The following WDR7 variants were observed in gnomAD, a reference collection of about 807,000 sequenced individuals.
The protein encoded by WDR7 is WD repeat domain 7, also known as WD repeat-containing protein 7.
Under a neutral mutation model 169.4 loss-of-function variants are expected in WDR7, and 46 were observed. The observed-to-expected ratio is 0.27, with a 90% CI of 0.21 to 0.35. The LOEUF (loss-of-function observed/expected upper bound fraction) is 0.35, where lower values mean the gene tolerates loss of function less well. Ranked by LOEUF, WDR7 falls within the 10% of genes least tolerant of loss-of-function variation. The pLI is 1.00. For synonymous variants in WDR7, 612 were observed against 666.8 expected, an observed-to-expected ratio of 0.92 and a Z score of 1.27; for missense variants, 1,534 against 1,859.3, an observed-to-expected ratio of 0.83 and a Z score of 3.22.
intron 26 of WDR7, chr18:57,010,202 GA>G (rs535699381): frequency 7.1e-6 from 7 of 985,260 alleles, no homozygotes; most frequent in Non-Finnish European, 8.4e-6. Flanking sequence ...TAGAAATACT[GA>G]AAAAAACATT....
At chr18:56,679,265 C>A in intron 2 of WDR7, 67 bp from the exon 3 acceptor site, 1 of 1,315,672 alleles carries the variant, frequency 7.6e-7, no homozygotes, top group Non-Finnish European at 1.1e-6. Context: ...TATGGCTAAG[C>A]TGACACTCAA....
intron 2 of WDR7, among the ~76,000 whole-genome samples, chr18:56,675,084 C>T (rs1299263720): frequency 2.0e-5 from 3 of 152,038 alleles, no homozygotes; most frequent in Non-Finnish European, 4.4e-5. Flanking sequence ...TCCTAATTAC[C>T]GTTGTTTTAT....
chr18:56,687,790 C>A (rs1003006643), intron 7 of WDR7, among the ~76,000 whole-genome samples: 4 of 152,074 alleles, frequency 2.6e-5, no homozygotes, highest in Middle Eastern at 3.2e-3. Flanking sequence ...CCAAGCCTGG[C>A]TAATTTTAGA....
At chr18:56,867,485 G>A (rs1414274192) in intron 20 of WDR7, among the ~76,000 whole-genome samples, 2 of 152,140 alleles carry the variant, frequency 1.3e-5, no homozygotes, top group African/African-American at 4.8e-5. Context: ...AGATTAGAAA[G>A]CCGTCTCTTC....
intron 21 of WDR7, among the ~76,000 whole-genome samples, chr18:56,919,458 ATTGT>A (rs148970922): frequency 0.014 from 2,131 of 152,154 alleles, 30 homozygotes; most frequent in East Asian, 0.038. Flanking sequence ...ACAAAAACTC[ATTGT>A]TTGAGAAAAG....
chr18:56,745,950 T>C (rs1345619165), intron 14 of WDR7, among the ~76,000 whole-genome samples: 2 of 152,176 alleles, frequency 1.3e-5, no homozygotes, highest in Non-Finnish European at 2.9e-5. Context: ...ATGTTGAACT[T>C]TCCTAGGACA....
chr18:57,010,248 T>C, intron 26 of WDR7: 1 of 985,442 alleles, frequency 1.0e-6, no homozygotes, highest in Non-Finnish European at 1.2e-6. Context: ...AAGAAAACAT[T>C]TTGTGTGACT....
intron 21 of WDR7, among the ~76,000 whole-genome samples, chr18:56,888,340 CTAGTG>C (rs1274377072): frequency 3.9e-5 from 6 of 152,222 alleles, no homozygotes; most frequent in Non-Finnish European, 7.3e-5. Flanking sequence ...CTAGATTAGG[CTAGTG>C]TTACGTTGTG....
At chr18:56,698,624 T>A (rs953113341) in intron 12 of WDR7, among the ~76,000 whole-genome samples, 19 of 150,730 alleles carry the variant, frequency 1.3e-4, no homozygotes, top group Non-Finnish European at 2.2e-4. Context: ...AAAAAAAAAT[T>A]CAGATTGGTA....
At chr18:56,861,123 T>TCA (rs2045798337) in intron 20 of WDR7, among the ~76,000 whole-genome samples, 1 of 36,930 alleles carries the variant, frequency 2.7e-5, no homozygotes, top group South Asian at 1.2e-3. Flanking sequence ...AAAGTACAGT[T>TCA]TATATTCTTT....
rs1288358287 is a variant in WDR7, at chr18:57,029,314, A to G, written c.*2107A>G. ...TTCACGTATTCCGTCTGCACAGGCA[A>G]CCAAGGCCAGTAGAAAGCTATGGCT... is the stretch of plus-strand genomic sequence containing the variant. On this transcript the variant is annotated 3_prime_UTR_variant, in exon 28 of 28. Coordinates refer to ENST00000254442, the MANE Select transcript of WDR7 (RefSeq NM_015285.3). 1 of 152,230 alleles carries G rather than the reference A, an allele frequency of 6.6e-6. No individual in the cohort carries two copies. Among genetic ancestry groups the G allele is most frequent in the African/African-American group, 2.4e-5 (1 of 41,462 alleles). The allele number at this position is 152,230 out of a possible 1,614,324, so 9.4% of individuals were successfully genotyped here. A position where few individuals can be genotyped will look rare whatever the true frequency, so the allele number is the denominator to read the frequency against.
intron 21 of WDR7, among the ~76,000 whole-genome samples, chr18:56,920,164 G>T (rs968595693): frequency 6.6e-5 from 10 of 151,720 alleles, no homozygotes; most frequent in African/African-American, 2.2e-4. Flanking sequence ...TTATTTCCTG[G>T]TCTTTACACA....
At chr18:56,659,690 T>C (rs950796363) in intron 1 of WDR7, among the ~76,000 whole-genome samples, 6 of 152,146 alleles carry the variant, frequency 3.9e-5, no homozygotes, top group Non-Finnish European at 8.8e-5. Context: ...AGATTCTGTT[T>C]AGTATCTTTG....
intron 14 of WDR7, among the ~76,000 whole-genome samples, chr18:56,755,311 T>C (rs2144933015): frequency 6.6e-6 from 1 of 152,306 alleles, no homozygotes; most frequent in South Asian, 2.1e-4. Context: ...ATTTAGTTTT[T>C]AAGAATTTTG....
At chr18:56,802,343 CAAT>C (rs1187581848) in intron 19 of WDR7, among the ~76,000 whole-genome samples, 1 of 150,812 alleles carries the variant, frequency 6.6e-6, no homozygotes, top group Non-Finnish European at 1.5e-5. Flanking sequence ...GGTTGCCTAA[CAAT>C]AAAATTTTTG....
At chr18:56,988,695 G>C (rs1346817515) in intron 26 of WDR7, among the ~76,000 whole-genome samples, 2 of 150,344 alleles carry the variant, frequency 1.3e-5, no homozygotes, top group African/African-American at 4.9e-5. Context: ...AAAAAATTGG[G>C]CATTCTTATA....
At chr18:56,724,248 G>A (rs1252669029) in intron 13 of WDR7, among the ~76,000 whole-genome samples, 4 of 83,222 alleles carry the variant, frequency 4.8e-5, no homozygotes, top group African/African-American at 1.8e-4. Context: ...TTTCACTCTT[G>A]TTGCCCAGGC....
chr18:56,741,463 C>CTA (rs1381175898), intron 14 of WDR7, among the ~76,000 whole-genome samples: 2 of 152,090 alleles, frequency 1.3e-5, no homozygotes, highest in East Asian at 3.9e-4. Flanking sequence ...TGTATTTAAT[C>CTA]GGCCCTTCCT....
intron 2 of WDR7, among the ~76,000 whole-genome samples, chr18:56,677,525 T>G (rs1379426031): frequency 2.6e-5 from 4 of 152,080 alleles, no homozygotes; most frequent in Non-Finnish European, 4.4e-5. Context: ...AATTTTTGTA[T>G]TTTTAGTAGA....
Sources: gnomAD v4.1 joint callset for allele counts (sites outside exome capture counted in the v4.1 genomes callset) on GRCh38, gnomAD v4.1.1 for gene constraint, MANE v1.5 for transcripts, NCBI Gene and HGNC (gene_info 2026-07-23, HGNC 2026-07-21) for gene names.